NDUFV2: variants seen among roughly 807,000 people sequenced by gnomAD.
NDUFV2 encodes NADH:ubiquinone oxidoreductase core subunit V2.
In NDUFV2, 18 loss-of-function variants were observed where a neutral mutation model predicts 31.6. The observed-to-expected ratio is 0.57, with a 90% CI of 0.39 to 0.84. The LOEUF (loss-of-function observed/expected upper bound fraction) is 0.84. Among genes scored for constraint, NDUFV2 ranks in the 40% least tolerant of loss-of-function variants. NDUFV2 has a pLI of 0.00. For synonymous variants in NDUFV2, 83 were observed against 99.8 expected (o/e 0.83, Z 1.01); for missense variants, 314 against 303.6 (o/e 1.03, Z -0.26).
In NDUFV2 at chr18:9,104,084, A is replaced by G. The variant is rs75469679; in HGVS notation, c.54+1287A>G. The G allele has an allele frequency of 5.6e-4, 870 of 1,540,276 alleles. 15 individuals carry two copies. The East Asian group carries it at 0.013, about 24-fold the overall frequency. On this transcript the variant is annotated intron_variant, in intron 1 of 7. Coordinates refer to ENST00000318388, the MANE Select transcript of NDUFV2 (RefSeq NM_021074.5). The stretch of plus-strand genomic sequence containing the variant: ...AATAGGGTCATCCAATGTGGTTTCA[A>G]GGTGCATAAGATTTTTCCTGAAGGT...
At chr18:9,134,071 A>C (rs888491622) in intron 7 of NDUFV2, 115 bp from the exon 8 acceptor site, 13 of 708,828 alleles carry the variant, frequency 1.8e-5, no homozygotes, top group Non-Finnish European at 2.8e-5. Context: ...AATCTATGCT[A>C]GTTCTTAGGG....
At chr18:9,124,800 T>C (rs1598349668) in intron 5 of NDUFV2, 74 bp from the exon 6 acceptor site, 1 of 1,335,240 alleles carries the variant, frequency 7.5e-7, no homozygotes, top group Non-Finnish European at 1.0e-6. Flanking sequence ...CTATAAAAAT[T>C]CTTTTTTTTT....
intron 2 of NDUFV2, 118 bp downstream of exon 2, chr18:9,118,021 G>T (rs2077907884): frequency 1.4e-6 from 1 of 730,918 alleles, no homozygotes; most frequent in African/African-American, 1.8e-5. Context: ...GTCATCGTGA[G>T]AATTTACATA....
chr18:9,130,244 G>C (rs1342009403), intron 7 of NDUFV2, among the ~76,000 whole-genome samples: 2 of 152,062 alleles, frequency 1.3e-5, no homozygotes, highest in African/African-American at 4.8e-5. Flanking sequence ...TGTAATATGA[G>C]GTACTATAAC....
At chr18:9,130,206 T>A (rs1410738331) in intron 7 of NDUFV2, among the ~76,000 whole-genome samples, 3 of 152,182 alleles carry the variant, frequency 2.0e-5, no homozygotes, top group African/African-American at 7.2e-5. Flanking sequence ...TGGATGACAT[T>A]ATCGGGGTGA....
intron 7 of NDUFV2, chr18:9,132,138 T>C (rs920480734): frequency 5.3e-5 from 8 of 152,208 alleles, no homozygotes; most frequent in Admixed American, 3.3e-4. Context: ...GAACAAACTT[T>C]AGGAAACTCT....
intron 5 of NDUFV2, among the ~76,000 whole-genome samples, chr18:9,123,274 G>A (rs1307112729): frequency 6.6e-6 from 1 of 152,060 alleles, no homozygotes; most frequent in Non-Finnish European, 1.5e-5. Context: ...AAATAGCTGG[G>A]TGGTATTGAA....
chr18:9,128,139 T>A (rs561102443), intron 7 of NDUFV2, among the ~76,000 whole-genome samples: 3 of 152,324 alleles, frequency 2.0e-5, no homozygotes, highest in Admixed American at 2.0e-4. Flanking sequence ...TGTATATAAA[T>A]TTTTTCTTCC....
intron 7 of NDUFV2, among the ~76,000 whole-genome samples, chr18:9,128,939 C>A (rs561291243): frequency 7.2e-5 from 11 of 152,076 alleles, no homozygotes; most frequent in Non-Finnish European, 1.0e-4. Flanking sequence ...TCCTCCCCCC[C>A]ACTCCTCCCC....
chr18:9,128,138 A>T (rs2078008101), intron 7 of NDUFV2, among the ~76,000 whole-genome samples: 1 of 152,090 alleles, frequency 6.6e-6, no homozygotes, highest in Non-Finnish European at 1.5e-5. Flanking sequence ...ATGTATATAA[A>T]TTTTTTCTTC....
chr18:9,110,229 G>T (rs1365306011), intron 1 of NDUFV2, among the ~76,000 whole-genome samples: 1 of 152,040 alleles, frequency 6.6e-6, no homozygotes, highest in African/African-American at 2.4e-5. Context: ...TTATTTCAAA[G>T]TGAAACAAAA....
At chr18:9,118,640 A>G (rs905020417) in intron 2 of NDUFV2, among the ~76,000 whole-genome samples, 4 of 152,064 alleles carry the variant, frequency 2.6e-5, no homozygotes, top group Admixed American at 2.0e-4. Flanking sequence ...TGTATTCACC[A>G]CACATACATA....
intron 6 of NDUFV2, among the ~76,000 whole-genome samples, chr18:9,125,962 T>A (rs1218319754): frequency 6.6e-6 from 1 of 152,222 alleles, no homozygotes; most frequent in Admixed American, 6.5e-5. Flanking sequence ...GGTCTCTTGT[T>A]AGACTCTCTG....
At chr18:9,110,219 TTA>T in intron 1 of NDUFV2, among the ~76,000 whole-genome samples, 1 of 152,288 alleles carries the variant, frequency 6.6e-6, no homozygotes, top group East Asian at 1.9e-4. Context: ...GAATGCCTCT[TTA>T]TTTCAAAGTG....
At chr18:9,108,400 A>AAT (rs2077852219) in intron 1 of NDUFV2, among the ~76,000 whole-genome samples, 2 of 152,202 alleles carry the variant, frequency 1.3e-5, no homozygotes, top group African/African-American at 4.8e-5. Context: ...AAGTCAGGAA[A>AAT]ATCTGTATGT....
intron 1 of NDUFV2, chr18:9,112,556 C>T (rs1018311583): frequency 3.3e-5 from 5 of 152,156 alleles, no homozygotes; most frequent in African/African-American, 1.2e-4. Context: ...GATCTCAGCT[C>T]ACTGCAACCT....
chr18:9,104,189 A>G, intron 1 of NDUFV2: 2 of 1,612,314 alleles, frequency 1.2e-6, no homozygotes, highest in Non-Finnish European at 1.7e-6. Flanking sequence ...CAAGAAAAAG[A>G]TCGGTATGTA....
At chr18:9,128,555 G>C (rs902036958) in intron 7 of NDUFV2, among the ~76,000 whole-genome samples, 4 of 152,030 alleles carry the variant, frequency 2.6e-5, no homozygotes, top group Admixed American at 6.6e-5. Flanking sequence ...TCATTTCCCT[G>C]GTGAAAAATC....
intron 7 of NDUFV2, among the ~76,000 whole-genome samples, chr18:9,128,598 CT>C (rs2078012519): frequency 1.3e-5 from 2 of 152,078 alleles, no homozygotes; most frequent in Non-Finnish European, 2.9e-5. Flanking sequence ...GAAGTAAAAC[CT>C]TTAGTCATCT....
Sources: gnomAD v4.1 joint callset for allele counts (sites outside exome capture counted in the v4.1 genomes callset) on GRCh38, gnomAD v4.1.1 for gene constraint, MANE v1.5 for transcripts, NCBI Gene and HGNC (gene_info 2026-07-23, HGNC 2026-07-21) for gene names.